Variants in MTREX observed in about 807,000 individuals in gnomAD.
MTREX encodes Mtr4 exosome RNA helicase.
In MTREX, 76 loss-of-function variants were observed where a neutral mutation model predicts 135.4. The ratio of observed to expected loss-of-function variants is 0.56; its 90% confidence interval spans 0.47 to 0.68. MTREX has a LOEUF of 0.68. MTREX is among the 30% of genes least tolerant of loss of function. MTREX has a pLI of 0.00. For synonymous variants in MTREX, 404 were observed against 401.6 expected (o/e 1.01, Z -0.07); for missense variants, 920 against 1,262.1 (o/e 0.73, Z 4.11).
chr5:55,318,322 A>G (rs1309527903), intron 1 of MTREX, among the ~76,000 whole-genome samples: 1 of 152,222 alleles, frequency 6.6e-6, no homozygotes, highest in Non-Finnish European at 1.5e-5. Flanking sequence ...ATGCATGTGG[A>G]TGTTCATTGC....
intron 18 of MTREX, among the ~76,000 whole-genome samples, chr5:55,385,937 G>C (rs767316455): frequency 4.2e-4 from 64 of 152,280 alleles, no homozygotes; most frequent in Admixed American, 1.6e-3. Flanking sequence ...GAGGACTAGA[G>C]AGGAACACAT....
At chr5:55,359,718 G>A (rs1287680945) in intron 15 of MTREX, among the ~76,000 whole-genome samples, 1 of 152,132 alleles carries the variant, frequency 6.6e-6, no homozygotes, top group African/African-American at 2.4e-5. Context: ...CTCTAATTGT[G>A]CCAGATATAG....
rs115120106 is a variant in MTREX, at chr5:55,320,917, G to A, written c.135-1410G>A. Among the ~76,000 whole-genome samples the A allele has an allele frequency of 3.6e-3, 543 of 152,182 alleles. 2 individuals are homozygous for A. The highest frequency in any genetic ancestry group is 0.012 in the African/African-American group (498 of 41,512). On this transcript the variant is annotated intron_variant, in intron 1 of 26. Transcript: ENST00000230640. ...TGTAAGGCTAGATTTTTCTTCATATGCTTTGACCAAAACAACATGTCATAG... is the reference window on the plus strand; with the variant it reads ...TGTAAGGCTAGATTTTTCTTCATATACTTTGACCAAAACAACATGTCATAG...
Position 55,400,108 on chromosome 5 carries a change from A to G in MTREX, c.2293-125A>G, listed in dbSNP as rs917616170. ...GCCCTATAATTTAAATTGGCAAAAG[A>G]CAAAATTATATATGTAGTATACTTT... On this transcript the variant is annotated intron_variant, in intron 20 of 26. Transcript: ENST00000230640. 8 of 637,554 alleles carry G rather than the reference A, an allele frequency of 1.3e-5. No individual in the cohort carries two copies. The African/African-American group carries it at 1.5e-4, about 12-fold the overall frequency. The allele number at this position is 637,554 out of a possible 1,614,324, so 39.5% of individuals were successfully genotyped here.
chr5:55,344,037 C>T (rs1008742012), intron 8 of MTREX, among the ~76,000 whole-genome samples: 2 of 152,102 alleles, frequency 1.3e-5, no homozygotes, highest in East Asian at 3.8e-4. Flanking sequence ...TTTATAAGCT[C>T]CCTGATCGTG....
At chr5:55,362,650 C>T (rs1393193415) in intron 15 of MTREX, among the ~76,000 whole-genome samples, 1 of 152,070 alleles carries the variant, frequency 6.6e-6, no homozygotes, top group Non-Finnish European at 1.5e-5. Flanking sequence ...CATGAGCCAC[C>T]ACGCCCAGCC....
At chr5:55,338,289 G>A (rs1749586011) in intron 5 of MTREX, among the ~76,000 whole-genome samples, 1 of 152,062 alleles carries the variant, frequency 6.6e-6, no homozygotes, top group African/African-American at 2.4e-5. Context: ...CTGGTTGACC[G>A]ATTTTTTTTC....
intron 16 of MTREX, among the ~76,000 whole-genome samples, chr5:55,370,837 A>C (rs769561431): frequency 6.6e-6 from 1 of 152,188 alleles, no homozygotes; most frequent in African/African-American, 2.4e-5. Context: ...TTTTCAAGGC[A>C]CTGGTATTAT....
intron 15 of MTREX, among the ~76,000 whole-genome samples, chr5:55,360,276 G>A (rs903175845): frequency 3.3e-5 from 5 of 152,208 alleles, no homozygotes; most frequent in African/African-American, 1.2e-4. Context: ...ACATCTATGA[G>A]TACTTCATTC....
intron 21 of MTREX, among the ~76,000 whole-genome samples, chr5:55,400,683 G>A (rs1294895447): frequency 6.6e-6 from 1 of 152,006 alleles, no homozygotes; most frequent in African/African-American, 2.4e-5. Context: ...ACACAGCATA[G>A]CATTCACCCT....
intron 26 of MTREX, chr5:55,423,614 T>C (rs1316553687): frequency 2.0e-5 from 3 of 152,422 alleles, no homozygotes; most frequent in Non-Finnish European, 2.9e-5. Flanking sequence ...ACTTGGACTT[T>C]ACAAGGTAAT....
chr5:55,396,507 A>G (rs1220927638), intron 19 of MTREX, among the ~76,000 whole-genome samples: 1 of 152,226 alleles, frequency 6.6e-6, no homozygotes, highest in African/African-American at 2.4e-5. Flanking sequence ...GCAGGAAGAA[A>G]GAAAAAACAC....
At chr5:55,366,967 G>T (rs1579873475) in intron 16 of MTREX, 92 bp downstream of exon 16, 2 of 1,107,790 alleles carry the variant, frequency 1.8e-6, no homozygotes, top group Admixed American at 2.5e-5. Context: ...TTTTGTTTTT[G>T]TAAGGTAAAT....
At chr5:55,411,046 A>G (rs553631492) in intron 23 of MTREX, among the ~76,000 whole-genome samples, 1 of 152,344 alleles carries the variant, frequency 6.6e-6, no homozygotes, top group Admixed American at 6.5e-5. Context: ...CCATCCTGCT[A>G]GGAACTGAAA....
intron 14 of MTREX, among the ~76,000 whole-genome samples, chr5:55,355,614 G>A (rs1749899019): frequency 6.6e-6 from 1 of 152,220 alleles, no homozygotes; most frequent in Non-Finnish European, 1.5e-5. Context: ...ACACCATCTA[G>A]AAGGGTTAAG....
At chr5:55,396,666 C>T (rs1750651745) in intron 19 of MTREX, among the ~76,000 whole-genome samples, 1 of 152,212 alleles carries the variant, frequency 6.6e-6, no homozygotes, top group Non-Finnish European at 1.5e-5. Context: ...CAAGGTCACA[C>T]AACTAGCTGA....
intron 2 of MTREX, among the ~76,000 whole-genome samples, chr5:55,323,398 A>G (rs1749319939): frequency 3.3e-5 from 5 of 152,070 alleles, no homozygotes; most frequent in Admixed American, 2.6e-4. Flanking sequence ...CCTAGATAGC[A>G]TAATGTAGGA....
intron 20 of MTREX, among the ~76,000 whole-genome samples, chr5:55,398,246 GAAAA>G (rs1178055026): frequency 7.6e-6 from 1 of 131,718 alleles, no homozygotes; most frequent in East Asian, 2.2e-4. Flanking sequence ...TCTCTTTTAA[GAAAA>G]AAAAAAAAAA....
chr5:55,341,035 TA>T (rs1411256960), intron 6 of MTREX, among the ~76,000 whole-genome samples: 24 of 152,260 alleles, frequency 1.6e-4, no homozygotes, highest in African/African-American at 2.4e-5. Context: ...TCTTTGCATT[TA>T]ACCCCAAGGA....
Sources: allele counts gnomAD v4.1 joint callset (sites outside exome capture counted in the v4.1 genomes callset), GRCh38; gene constraint gnomAD v4.1.1; transcripts MANE v1.5; gene names NCBI Gene and HGNC (gene_info 2026-07-23, HGNC 2026-07-21).